The following TMEM132D variants were observed in gnomAD, a reference collection of about 807,000 sequenced individuals.
TMEM132D encodes mature OL transmembrane protein.
A neutral mutation model predicts 62.3 loss-of-function variants in TMEM132D; 21 were observed. That is an observed-to-expected ratio of 0.34 (90% CI 0.24 to 0.49). The LOEUF (loss-of-function observed/expected upper bound fraction) is 0.49. TMEM132D is among the 20% of genes least tolerant of loss of function. TMEM132D has a pLI of 0.99. For missense variants in TMEM132D, 1,346 were observed against 1,402.8 expected (o/e 0.96, Z 0.65); for synonymous variants, 621 against 575.6 (o/e 1.08, Z -1.13).
intron 1 of TMEM132D, among the ~76,000 whole-genome samples, chr12:129,739,116 T>C (rs1869518993): frequency 6.6e-6 from 1 of 152,184 alleles, no homozygotes; most frequent in Non-Finnish European, 1.5e-5. Flanking sequence ...AGGACTGGCC[T>C]CTGCCCTAGC....
intron 5 of TMEM132D, among the ~76,000 whole-genome samples, chr12:129,166,690 CA>C (rs2135544183): frequency 9.1e-6 from 1 of 110,312 alleles, no homozygotes; most frequent in African/African-American, 3.8e-5. Context: ...TATACACATA[CA>C]CACACACACA....
At chr12:129,310,040 C>A (rs1019431981) in intron 4 of TMEM132D, among the ~76,000 whole-genome samples, 1 of 150,150 alleles carries the variant, frequency 6.7e-6, no homozygotes, top group African/African-American at 2.5e-5. Context: ...GCCAGAAAAT[C>A]TAGATGAGGG....
intron 1 of TMEM132D, among the ~76,000 whole-genome samples, chr12:129,773,853 A>G (rs1227350973): frequency 6.6e-6 from 1 of 152,186 alleles, no homozygotes; most frequent in African/African-American, 2.4e-5. Context: ...TCTGCCACTT[A>G]CTTGCCATGA....
chr12:129,175,481 A>G lies in TMEM132D; in HGVS notation c.1443+34039T>C, dbSNP rs1243653166. ...AGTGAAAAGGTTGTAAGAGAAAATT[A>G]TTCCAAATCATGTAAAGTTCTTATA... On this transcript the variant is annotated intron_variant, in intron 5 of 8. Transcript: ENST00000422113. Among the ~76,000 whole-genome samples the G allele has an allele frequency of 3.3e-5, 5 of 152,222 alleles. No individual in the cohort carries two copies. In the East Asian group the frequency reaches 5.8e-4, roughly 18 times the overall value.
chr12:129,185,027 C>T (rs1198098242), intron 5 of TMEM132D, among the ~76,000 whole-genome samples: 1 of 152,212 alleles, frequency 6.6e-6, no homozygotes, highest in African/African-American at 2.4e-5. Flanking sequence ...AATCTCAAGT[C>T]TAAAATCAAT....
chr12:129,211,751 C>T (rs1879055312), intron 4 of TMEM132D, among the ~76,000 whole-genome samples: 1 of 152,156 alleles, frequency 6.6e-6, no homozygotes, highest in Non-Finnish European at 1.5e-5. Context: ...TATGCATAGG[C>T]CTTCAAAGTC....
intron 4 of TMEM132D, among the ~76,000 whole-genome samples, chr12:129,296,181 C>T (rs1299128743): frequency 6.6e-6 from 1 of 152,072 alleles, no homozygotes; most frequent in Non-Finnish European, 1.5e-5. Flanking sequence ...ACTCAGGCAA[C>T]TGTAAATATA....
chr12:129,150,651 TG>T (rs1231248355), intron 5 of TMEM132D, among the ~76,000 whole-genome samples: 1 of 152,146 alleles, frequency 6.6e-6, no homozygotes, highest in Admixed American at 6.5e-5. Context: ...TCCCAGAGCT[TG>T]TGCTCCTGAC....
At chr12:129,207,160 G>A (rs1349196032) in intron 5 of TMEM132D, among the ~76,000 whole-genome samples, 1 of 152,050 alleles carries the variant, frequency 6.6e-6, no homozygotes, top group African/African-American at 2.4e-5. Flanking sequence ...CCCCACTACT[G>A]TTGTGATAAG....
rs556434349 is a variant in TMEM132D at position 129,755,400 on chromosome 12, A to G, written c.80-54702T>C. On this transcript the variant is annotated intron_variant, in intron 1 of 8. Transcript: ENST00000422113. ...ACACTTTCGAGTAGTATGCTTTGAC[A>G]CTACAAGGGGGATAGGTTGCTGGAT... 3.3e-5 allele frequency among the ~76,000 whole-genome samples: 5 copies of G among 152,256 alleles called. No homozygotes were observed. The South Asian group carries it at 8.3e-4, about 25-fold the overall frequency.
intron 2 of TMEM132D, among the ~76,000 whole-genome samples, chr12:129,592,224 G>A (rs1333036275): frequency 1.2e-5 from 1 of 81,112 alleles, no homozygotes; most frequent in Non-Finnish European, 2.4e-5. Flanking sequence ...CTGATTTTAG[G>A]GAGTAAAAAA....
chr12:129,085,223 T>G (rs1466826150), intron 5 of TMEM132D: 1 of 160,308 alleles, frequency 6.2e-6, no homozygotes, highest in East Asian at 1.9e-4. Context: ...TAGCCCCTCT[T>G]CTTCCCCTTC....
chr12:129,725,866 A>T (rs547187979), intron 1 of TMEM132D, among the ~76,000 whole-genome samples: 29 of 152,330 alleles, frequency 1.9e-4, no homozygotes, highest in African/African-American at 6.7e-4. Flanking sequence ...GTGGTTTTCT[A>T]TGTTAATAAA....
intron 4 of TMEM132D, among the ~76,000 whole-genome samples, chr12:129,254,531 G>A (rs1204109838): frequency 1.3e-5 from 2 of 152,046 alleles, no homozygotes; most frequent in Non-Finnish European, 2.9e-5. Flanking sequence ...ATCAAATGGG[G>A]ATAAATATGA....
At chr12:129,219,684 G>T (rs1208506540) in intron 4 of TMEM132D, among the ~76,000 whole-genome samples, 1 of 152,230 alleles carries the variant, frequency 6.6e-6, no homozygotes, top group Non-Finnish European at 1.5e-5. Context: ...TTAAACAGCA[G>T]GTTTCAGAAG....
chr12:129,164,785 C>T (rs1877492432), intron 5 of TMEM132D, among the ~76,000 whole-genome samples: 1 of 152,174 alleles, frequency 6.6e-6, no homozygotes, highest in Non-Finnish European at 1.5e-5. Flanking sequence ...CAATTACCTC[C>T]ACCTGGTATC....
At chr12:129,483,742 G>T (rs1874496376) in intron 3 of TMEM132D, among the ~76,000 whole-genome samples, 1 of 152,146 alleles carries the variant, frequency 6.6e-6, no homozygotes, top group Non-Finnish European at 1.5e-5. Context: ...GCAAATGTCA[G>T]CACAAAACTC....
intron 2 of TMEM132D, among the ~76,000 whole-genome samples, chr12:129,664,844 C>T (rs566586782): frequency 2.6e-5 from 4 of 152,220 alleles, no homozygotes; most frequent in South Asian, 4.1e-4. Flanking sequence ...CACCCAACCC[C>T]TGGACACAAA....
chr12:129,699,883 C>T lies in TMEM132D; in HGVS notation c.895G>A (p.Val299Met), dbSNP rs1881334658. The T allele has an allele frequency of 8.1e-6, 13 of 1,614,188 alleles. No individual in the cohort carries two copies. The highest frequency in any genetic ancestry group is 2.2e-5 in the East Asian group (1 of 44,880). Residue 299 changes from valine (V) to methionine (M), a missense_variant, in exon 2 of 9, where the codon GTG (valine) becomes ATG (methionine). Val to Met is a conservative substitution (Grantham distance 21, BLOSUM62 1). Coordinates refer to ENST00000422113, the MANE Select transcript of TMEM132D (RefSeq NM_133448.3). Reference sequence around the variant, plus strand: ...AAAGTCAGCACGTCTCCTTTCCTCACGGTCTTTGGTATATAGTGGATGGCC... The same window carrying T: ...AAAGTCAGCACGTCTCCTTTCCTCATGGTCTTTGGTATATAGTGGATGGCC... ...SVAIHYIPKT[V>M]RKGDVLTFPV...
Sources: gnomAD v4.1 joint callset for allele counts (sites outside exome capture counted in the v4.1 genomes callset) on GRCh38, gnomAD v4.1.1 for gene constraint, MANE v1.5 for transcripts, NCBI Gene and HGNC (gene_info 2026-07-23, HGNC 2026-07-21) for gene names.